DLG2: variants seen among roughly 807,000 people sequenced by gnomAD.
DLG2 encodes discs large MAGUK scaffold protein 2.
Under a neutral mutation model 132.5 loss-of-function variants are expected in DLG2, and 45 were observed. The ratio of observed to expected loss-of-function variants is 0.34; its 90% CI spans 0.27 to 0.44. The LOEUF (loss-of-function observed/expected upper bound fraction) is 0.44, where lower values mean the gene tolerates loss of function less well. DLG2 is among the 20% of genes least tolerant of loss of function. The pLI is 1.00. For synonymous variants in DLG2, 424 were observed against 419.6 expected (o/e 1.01, Z -0.13); for missense variants, 1,045 against 1,196.9 (o/e 0.87, Z 1.87).
chr11:85,191,381 C>A (rs2080560744), intron 4 of DLG2, among the ~76,000 whole-genome samples: 1 of 151,470 alleles, frequency 6.6e-6, no homozygotes. Context: ...CCACCACACA[C>A]CACACCCCCA....
chr11:84,362,724 T>A (rs893466601), intron 7 of DLG2, among the ~76,000 whole-genome samples: 2 of 152,068 alleles, frequency 1.3e-5, no homozygotes, highest in African/African-American at 4.8e-5. Flanking sequence ...GTGTTCTCAT[T>A]GTTCAATTCC....
At chr11:84,041,033 G>T (rs1183906649) in intron 11 of DLG2, among the ~76,000 whole-genome samples, 4 of 151,424 alleles carry the variant, frequency 2.6e-5, no homozygotes. Context: ...GTCTGTTGTT[G>T]GTGTATAAGA....
At chr11:84,815,074 G>T (rs2076958413) in intron 6 of DLG2, among the ~76,000 whole-genome samples, 1 of 152,052 alleles carries the variant, frequency 6.6e-6, no homozygotes, top group Non-Finnish European at 1.5e-5. Context: ...GAGCAAGACA[G>T]TAGGAAAGTC....
chr11:84,810,288 T>C (rs2076414954), intron 6 of DLG2, among the ~76,000 whole-genome samples: 2 of 152,090 alleles, frequency 1.3e-5, no homozygotes, highest in Admixed American at 6.6e-5. Flanking sequence ...AATTGGAAAT[T>C]AGGTGAAGAT....
chr11:84,908,247 T>G (rs1340002979), intron 6 of DLG2, among the ~76,000 whole-genome samples: 1 of 152,184 alleles, frequency 6.6e-6, no homozygotes, highest in Non-Finnish European at 1.5e-5. Flanking sequence ...ACATTTTATA[T>G]AAACTAAAAT....
At chr11:84,958,406 T>C (rs948739747) in intron 6 of DLG2, among the ~76,000 whole-genome samples, 2 of 152,236 alleles carry the variant, frequency 1.3e-5, no homozygotes, top group African/African-American at 2.4e-5. Context: ...GACTGTAGCA[T>C]CCCATATGAA....
intron 10 of DLG2, among the ~76,000 whole-genome samples, chr11:84,079,482 C>T (rs1006372482): frequency 1.3e-5 from 2 of 152,008 alleles, no homozygotes; most frequent in Admixed American, 6.6e-5. Flanking sequence ...GGGGTTTCTC[C>T]ATTTTGGCTA....
intron 3 of DLG2, among the ~76,000 whole-genome samples, chr11:85,528,037 T>G (rs999428220): frequency 1.3e-5 from 2 of 152,220 alleles, no homozygotes; most frequent in East Asian, 3.8e-4. Flanking sequence ...GATTGTTTGT[T>G]TTTTTCTTGT....
chr11:84,502,541 T>A (rs1044861070), intron 7 of DLG2, among the ~76,000 whole-genome samples: 2 of 150,292 alleles, frequency 1.3e-5, no homozygotes, highest in Admixed American at 1.3e-4. Context: ...GACTACAGGG[T>A]CCCGCCACCA....
chr11:84,276,270 T>C (rs140481618), intron 7 of DLG2, among the ~76,000 whole-genome samples: 56 of 152,346 alleles, frequency 3.7e-4, no homozygotes, highest in African/African-American at 1.3e-3. Context: ...AGGCCCTAGG[T>C]GGCTCAATCA....
At chr11:84,499,660 G>A (rs2099196683) in intron 7 of DLG2, among the ~76,000 whole-genome samples, 1 of 151,962 alleles carries the variant, frequency 6.6e-6, no homozygotes, top group Non-Finnish European at 1.5e-5. Context: ...ATAAATATTT[G>A]CCAGGTTAGC....
At chr11:83,659,168 T>A (rs1028950958) in intron 18 of DLG2, among the ~76,000 whole-genome samples, 2 of 152,244 alleles carry the variant, frequency 1.3e-5, no homozygotes, top group African/African-American at 4.8e-5. Context: ...AAGCATTTAC[T>A]TTTGTCATCA....
chr11:84,191,854 T>C (rs2096414329), intron 8 of DLG2, among the ~76,000 whole-genome samples: 1 of 151,980 alleles, frequency 6.6e-6, no homozygotes. Flanking sequence ...GTCAAACAAC[T>C]GAAGAACAAA....
chr11:84,809,879 T>C (rs2076380751), intron 6 of DLG2, among the ~76,000 whole-genome samples: 1 of 151,906 alleles, frequency 6.6e-6, no homozygotes, highest in South Asian at 2.1e-4. Context: ...CTATGTGGGG[T>C]CCAAGGCAAA....
intron 3 of DLG2, among the ~76,000 whole-genome samples, chr11:85,534,069 T>TC (rs1454467585): frequency 6.6e-6 from 1 of 152,016 alleles, no homozygotes; most frequent in Non-Finnish European, 1.5e-5. Flanking sequence ...CTCACTGCAG[T>TC]CCCCACCTCC....
chr11:84,187,425 A>T (rs2096297879), intron 8 of DLG2, among the ~76,000 whole-genome samples: 1 of 152,014 alleles, frequency 6.6e-6, no homozygotes, highest in South Asian at 2.1e-4. Flanking sequence ...GAGGTAGTGT[A>T]CTTGTGTGGA....
chr11:85,206,813 A>C (rs1383611939), intron 4 of DLG2, among the ~76,000 whole-genome samples: 1 of 152,132 alleles, frequency 6.6e-6, no homozygotes, highest in African/African-American at 2.4e-5. Context: ...AGCCTGGGTG[A>C]CAAGAGCAAA....
At chr11:84,423,778 TC>T (rs1360026266) in intron 7 of DLG2, among the ~76,000 whole-genome samples, 1 of 152,144 alleles carries the variant, frequency 6.6e-6, no homozygotes, top group African/African-American at 2.4e-5. Context: ...AACTAGTGAT[TC>T]AATTACATAA....
chr11:84,518,416 C>T (rs772431780), intron 7 of DLG2, among the ~76,000 whole-genome samples: 6 of 151,998 alleles, frequency 3.9e-5, no homozygotes, highest in Non-Finnish European at 5.9e-5. Context: ...AAGAAAATGC[C>T]GAATGATATA....
Sources: allele counts gnomAD v4.1 joint callset (sites outside exome capture counted in the v4.1 genomes callset), GRCh38; gene constraint gnomAD v4.1.1; transcripts MANE v1.5; gene names NCBI Gene and HGNC (gene_info 2026-07-23, HGNC 2026-07-21).